The following ZFHX3 variants were observed in gnomAD, a reference collection of about 807,000 sequenced individuals.
ZFHX3 encodes zinc finger homeobox 3.
Under a neutral mutation model 279.1 loss-of-function variants are expected in ZFHX3, and 42 were observed. That is an observed-to-expected ratio of 0.15 (90% confidence interval 0.12 to 0.19). ZFHX3 has a LOEUF of 0.19. Among genes scored for constraint, ZFHX3 ranks in the 10% least tolerant of loss-of-function variants. ZFHX3 has a pLI of 1.00. For synonymous variants in ZFHX3, 2,293 were observed against 1,957.8 expected (o/e 1.17, Z -4.52); for missense variants, 4,981 against 4,754.0 (o/e 1.05, Z -1.40).
At chr16:73,298,967 T>C (rs779071302) in intron 4 of ZFHX3, among the ~76,000 whole-genome samples, 10 of 152,224 alleles carry the variant, frequency 6.6e-5, no homozygotes, top group Non-Finnish European at 1.5e-4. Context: ...ACAACACCAG[T>C]ATCTGTGCAG....
intron 1 of ZFHX3, among the ~76,000 whole-genome samples, chr16:73,002,268 C>G (rs138867362): frequency 5.5e-4 from 84 of 152,288 alleles, no homozygotes; most frequent in African/African-American, 2.0e-3. Context: ...CAGGAGAACT[C>G]CATCAGTAAC....
intron 1 of ZFHX3, among the ~76,000 whole-genome samples, chr16:73,001,214 G>A (rs1198807275): frequency 6.6e-6 from 1 of 152,208 alleles, no homozygotes; most frequent in African/African-American, 2.4e-5. Flanking sequence ...GCTCTGTGGT[G>A]AGACCCACAT....
At chr16:73,719,700 C>T (rs1438444450) in intron 1 of ZFHX3, among the ~76,000 whole-genome samples, 1 of 151,612 alleles carries the variant, frequency 6.6e-6, no homozygotes, top group Non-Finnish European at 1.5e-5. Context: ...GTGGCGCGAT[C>T]TCGGCTCACT....
At chr16:73,168,292 C>T (rs1044478825) in intron 5 of ZFHX3, among the ~76,000 whole-genome samples, 1 of 107,574 alleles carries the variant, frequency 9.3e-6, no homozygotes, top group African/African-American at 3.6e-5. Context: ...GACAAAGTCT[C>T]ACTCTGTCAT....
intron 3 of ZFHX3, among the ~76,000 whole-genome samples, chr16:72,940,811 CA>C (rs1960376168): frequency 6.6e-6 from 1 of 152,244 alleles, no homozygotes; most frequent in Non-Finnish European, 1.5e-5. Flanking sequence ...CAAACACTAT[CA>C]GTAGATAAAC....
At chr16:73,010,885 G>A (rs1359437033) in intron 1 of ZFHX3, among the ~76,000 whole-genome samples, 1 of 152,088 alleles carries the variant, frequency 6.6e-6, no homozygotes, top group Non-Finnish European at 1.5e-5. Flanking sequence ...GTTCACTGCA[G>A]CCTCGAACTC....
intron 3 of ZFHX3, among the ~76,000 whole-genome samples, chr16:73,417,682 A>G (rs2017618305): frequency 6.6e-6 from 1 of 151,806 alleles, no homozygotes; most frequent in Non-Finnish European, 1.5e-5. Flanking sequence ...AAAAGGAAAA[A>G]GAGGCTGGGT....
chr16:73,539,916 C>T, intron 2 of ZFHX3, among the ~76,000 whole-genome samples: 1 of 152,216 alleles, frequency 6.6e-6, no homozygotes, highest in East Asian at 1.9e-4. Context: ...TACAGACAAA[C>T]TGTTTTTCTC....
At chr16:73,150,740 C>T (rs1377332076) in intron 5 of ZFHX3, among the ~76,000 whole-genome samples, 1 of 152,148 alleles carries the variant, frequency 6.6e-6, no homozygotes, top group African/African-American at 2.4e-5. Context: ...AAATTGCAAA[C>T]TCCCGGATGA....
intron 3 of ZFHX3, among the ~76,000 whole-genome samples, chr16:73,378,199 C>T (rs1386334476): frequency 6.6e-6 from 1 of 152,050 alleles, no homozygotes; most frequent in Non-Finnish European, 1.5e-5. Context: ...CTCCCACTAA[C>T]AGCCTATGAA....
intron 4 of ZFHX3, among the ~76,000 whole-genome samples, chr16:72,842,739 C>A (rs9930140): frequency 0.96 from 146,473 of 152,220 alleles, 70,492 homozygotes; most frequent in East Asian, 1. Context: ...AGGAAAAAAA[C>A]CGGATCAATT....
chr16:73,784,572 C>A (rs904468556), intron 1 of ZFHX3, among the ~76,000 whole-genome samples: 29 of 151,762 alleles, frequency 1.9e-4, no homozygotes, highest in African/African-American at 6.8e-4. Flanking sequence ...CATGGTGAAA[C>A]CCCATCTCTA....
intron 3 of ZFHX3, among the ~76,000 whole-genome samples, chr16:73,342,101 A>AG (rs2016043323): frequency 6.6e-6 from 1 of 152,112 alleles, no homozygotes; most frequent in South Asian, 2.1e-4. Context: ...TGGTTTTTGA[A>AG]AAACTACCTT....
intron 4 of ZFHX3, among the ~76,000 whole-genome samples, chr16:72,842,121 C>T (rs1045604972): frequency 6.6e-6 from 1 of 152,212 alleles, no homozygotes; most frequent in Non-Finnish European, 1.5e-5. Context: ...GTACACACTG[C>T]AGTTGGCGGA....
intron 1 of ZFHX3, among the ~76,000 whole-genome samples, chr16:72,989,200 C>T (rs1327695541): frequency 6.6e-6 from 1 of 150,590 alleles, no homozygotes; most frequent in Non-Finnish European, 1.5e-5. Flanking sequence ...AAAATTAAAA[C>T]AGAGCCAGGT....
intron 6 of ZFHX3, among the ~76,000 whole-genome samples, chr16:73,131,852 G>A (rs1292715737): frequency 6.6e-6 from 1 of 152,112 alleles, no homozygotes; most frequent in African/African-American, 2.4e-5. Flanking sequence ...GGGAAATGGG[G>A]ATCAAAAATC....
intron 5 of ZFHX3, among the ~76,000 whole-genome samples, chr16:73,218,890 A>G (rs144899571): frequency 6.6e-6 from 1 of 152,278 alleles, no homozygotes; most frequent in Non-Finnish European, 1.5e-5. Context: ...TCACCATCTA[A>G]CTCCAGAATG....
chr16:73,845,169 A>C (rs1423350120), intron 1 of ZFHX3, among the ~76,000 whole-genome samples: 1 of 152,230 alleles, frequency 6.6e-6, no homozygotes, highest in Admixed American at 6.5e-5. Context: ...ATATTGAAAC[A>C]TGCACGCGAC....
At chr16:73,378,075 T>C (rs1276499439) in intron 3 of ZFHX3, among the ~76,000 whole-genome samples, 2 of 113,458 alleles carry the variant, frequency 1.8e-5, no homozygotes, top group African/African-American at 6.2e-5. Context: ...AAAAATCTTA[T>C]ACACATACTT....
Sources: allele counts gnomAD v4.1 joint callset (sites outside exome capture counted in the v4.1 genomes callset), GRCh38; gene constraint gnomAD v4.1.1; transcripts MANE v1.5; gene names NCBI Gene and HGNC (gene_info 2026-07-23, HGNC 2026-07-21).